CRTC1: variants seen among roughly 807,000 people sequenced by gnomAD.
The protein encoded by CRTC1 is CREB-regulated transcription coactivator 1.
A neutral mutation model predicts 66.1 loss-of-function variants in CRTC1; 18 were observed. That is an observed-to-expected ratio of 0.27 (90% confidence interval 0.19 to 0.40). CRTC1 has a LOEUF of 0.40. Ranked by LOEUF, CRTC1 falls within the 10% of genes least tolerant of loss-of-function variation. The pLI is 1.00. For missense variants in CRTC1, 669 were observed against 887.9 expected (o/e 0.75, Z 3.13); for synonymous variants, 416 against 398.8 (o/e 1.04, Z -0.51).
rs146452936 is a variant in CRTC1 at position 18,712,957 on chromosome 19, C to CA, written c.126+29144dup. Among the ~76,000 whole-genome samples, 858 of 124,596 alleles carry CA rather than the reference C, an allele frequency of 6.9e-3. 8 individuals are homozygous for CA. Among genetic ancestry groups the CA allele is most frequent in the Non-Finnish European group, 1.0e-2 (585 of 58,690 alleles). The allele number at this position is 124,596 out of a possible 152,430, so 81.7% of individuals were successfully genotyped here. On this transcript the variant is annotated intron_variant, in intron 1 of 13. Coordinates refer to ENST00000321949, the MANE Select transcript of CRTC1 (RefSeq NM_015321.3). Reference sequence around the variant, plus strand: ...GCTGGGTGACGGAGCAAGACTGTCTCAAAAAAAAAAAAAAAGACCCCACCC... The same window carrying CA: ...GCTGGGTGACGGAGCAAGACTGTCTCAAAAAAAAAAAAAAAAGACCCCACCC...
intron 1 of CRTC1, among the ~76,000 whole-genome samples, chr19:18,732,305 T>C (rs1194710480): frequency 6.6e-6 from 1 of 152,046 alleles, no homozygotes; most frequent in African/African-American, 2.4e-5. Flanking sequence ...TTGGAGGCCT[T>C]GTAAGAAGAA....
At chr19:18,737,143 CACAG>C (rs1600888111) in intron 1 of CRTC1, among the ~76,000 whole-genome samples, 1 of 151,916 alleles carries the variant, frequency 6.6e-6, no homozygotes, top group Non-Finnish European at 1.5e-5. Flanking sequence ...TGGACGTGGG[CACAG>C]ACAGAGGCAG....
At chr19:18,775,404 AG>A (rs1332870317) in intron 12 of CRTC1, among the ~76,000 whole-genome samples, 1 of 152,106 alleles carries the variant, frequency 6.6e-6, no homozygotes, top group Non-Finnish European at 1.5e-5. Context: ...GGCAGCCTGG[AG>A]CTGCTCACTC....
intron 1 of CRTC1, among the ~76,000 whole-genome samples, chr19:18,699,687 G>A (rs551000604): frequency 3.3e-5 from 5 of 152,314 alleles, no homozygotes; most frequent in Non-Finnish European, 5.9e-5. Flanking sequence ...CTGAGGTTGC[G>A]GCTCTGAGCC....
chr19:18,686,205 G>A (rs1031298840), intron 1 of CRTC1, among the ~76,000 whole-genome samples: 1 of 151,794 alleles, frequency 6.6e-6, no homozygotes, highest in Non-Finnish European at 1.5e-5. Flanking sequence ...GTGGCCTTTT[G>A]TGACTGGCAT....
chr19:18,749,117 C>G (rs2054308653), intron 4 of CRTC1, among the ~76,000 whole-genome samples: 1 of 152,142 alleles, frequency 6.6e-6, no homozygotes, highest in Non-Finnish European at 1.5e-5. Context: ...TGCTTTCTCC[C>G]CATCAGTTCC....
intron 1 of CRTC1, among the ~76,000 whole-genome samples, chr19:18,688,626 C>T (rs183963413): frequency 1.0e-3 from 157 of 152,074 alleles, no homozygotes; most frequent in Non-Finnish European, 1.9e-3. Context: ...TTAGTAGAGA[C>T]GGGGTTTCAC....
At chr19:18,723,594 G>C (rs2145639090) in intron 1 of CRTC1, among the ~76,000 whole-genome samples, 1 of 152,370 alleles carries the variant, frequency 6.6e-6, no homozygotes, top group Admixed American at 6.5e-5. Flanking sequence ...CCCAGGTCCA[G>C]TATGGGTTTC....
At chr19:18,753,093 G>A (rs949218004) in intron 5 of CRTC1, among the ~76,000 whole-genome samples, 7 of 151,454 alleles carry the variant, frequency 4.6e-5, no homozygotes, top group East Asian at 2.0e-4. Context: ...GTGAAACCCC[G>A]TCTCTACTAA....
chr19:18,685,324 G>A (rs1340396345), intron 1 of CRTC1, among the ~76,000 whole-genome samples: 9 of 151,920 alleles, frequency 5.9e-5, no homozygotes, highest in Admixed American at 5.9e-4. Flanking sequence ...TGCTCAGGAT[G>A]TAGAGAAAGA....
At chr19:18,744,990 C>T (rs539083990) in intron 2 of CRTC1, among the ~76,000 whole-genome samples, 3 of 152,300 alleles carry the variant, frequency 2.0e-5, no homozygotes, top group East Asian at 3.9e-4. Context: ...GCCAGATGGC[C>T]GGACTGGGGG....
chr19:18,703,456 C>CATTT (rs113928670), intron 1 of CRTC1, among the ~76,000 whole-genome samples: 30 of 152,168 alleles, frequency 2.0e-4, no homozygotes, highest in African/African-American at 2.4e-4. Flanking sequence ...TTTATTTATG[C>CATTT]ATTTATTTAT....
At chr19:18,709,895 G>A (rs1056879924) in intron 1 of CRTC1, among the ~76,000 whole-genome samples, 1 of 152,180 alleles carries the variant, frequency 6.6e-6, no homozygotes, top group Admixed American at 6.5e-5. Flanking sequence ...CAGCAGCGGT[G>A]ACTTTGCCAC....
At chr19:18,769,683 G>A (rs2054818178) in intron 10 of CRTC1, among the ~76,000 whole-genome samples, 1 of 152,114 alleles carries the variant, frequency 6.6e-6, no homozygotes, top group Non-Finnish European at 1.5e-5. Flanking sequence ...GGCTCCCAAG[G>A]TGGGGCCTCG....
At chr19:18,687,094 C>T (rs1039672409) in intron 1 of CRTC1, among the ~76,000 whole-genome samples, 2 of 146,872 alleles carry the variant, frequency 1.4e-5, no homozygotes, top group Admixed American at 7.0e-5. Flanking sequence ...CGGCTCACTG[C>T]AACCTCTGCC....
intron 1 of CRTC1, among the ~76,000 whole-genome samples, chr19:18,688,657 T>C (rs2052748945): frequency 1.3e-5 from 2 of 151,874 alleles, no homozygotes; most frequent in South Asian, 4.2e-4. Context: ...AGGCTGGTCT[T>C]GAACTCCCGA....
chr19:18,688,806 GTA>G (rs1328623320), intron 1 of CRTC1, among the ~76,000 whole-genome samples: 4 of 152,208 alleles, frequency 2.6e-5, no homozygotes, highest in African/African-American at 4.8e-5. Flanking sequence ...GTGGCTTTTA[GTA>G]TATTCACATT....
chr19:18,765,181 C>A (rs191932365), intron 8 of CRTC1, among the ~76,000 whole-genome samples: 7 of 152,298 alleles, frequency 4.6e-5, no homozygotes, highest in African/African-American at 1.7e-4. Context: ...TGAGACACCC[C>A]CTTCCTGGAA....
intron 3 of CRTC1, 61 bp from the exon 4 acceptor site, chr19:18,746,992 G>C (rs2054254312): frequency 6.5e-7 from 1 of 1,528,980 alleles, no homozygotes; most frequent in African/African-American, 1.4e-5. Flanking sequence ...GCCCTGGGCT[G>C]AGAGTGTGTT....
Sources: gnomAD v4.1 joint callset for allele counts (sites outside exome capture counted in the v4.1 genomes callset) on GRCh38, gnomAD v4.1.1 for gene constraint, MANE v1.5 for transcripts, NCBI Gene and HGNC (gene_info 2026-07-23, HGNC 2026-07-21) for gene names.